ZNF407: variants seen among roughly 807,000 people sequenced by gnomAD.
The protein encoded by ZNF407 is zinc finger protein 407.
Under a neutral mutation model 131.2 loss-of-function variants are expected in ZNF407, and 17 were observed. The ratio of observed to expected loss-of-function variants is 0.13; its 90% confidence interval spans 0.09 to 0.19. The LOEUF (loss-of-function observed/expected upper bound fraction) is 0.19, where lower values mean the gene tolerates loss of function less well. Among genes scored for constraint, ZNF407 ranks in the 10% least tolerant of loss-of-function variants. ZNF407 has a pLI of 1.00. For missense variants in ZNF407, 2,681 were observed against 2,830.6 expected (o/e 0.95, Z 1.20); for synonymous variants, 1,156 against 1,062.0 (o/e 1.09, Z -1.72).
At chr18:74,923,304 C>CTT (rs201372058) in intron 8 of ZNF407, among the ~76,000 whole-genome samples, 73 of 139,756 alleles carry the variant, frequency 5.2e-4, no homozygotes, top group African/African-American at 1.8e-3. Flanking sequence ...TTCTGGTTAT[C>CTT]TTTTTTTTTT....
intron 4 of ZNF407, among the ~76,000 whole-genome samples, chr18:74,827,640 CT>C (rs1260047823): frequency 6.6e-6 from 1 of 152,162 alleles, no homozygotes; most frequent in African/African-American, 2.4e-5. Context: ...GGAATTGTCT[CT>C]TTCTCCAGCT....
rs573004193 is a variant in ZNF407 at position 74,961,876 on chromosome 18, G to A, written c.5428+41184G>A. Among the ~76,000 whole-genome samples, 204 of 151,138 alleles carry A rather than the reference G, an allele frequency of 1.3e-3. 1 individual carries two copies. The highest frequency in any genetic ancestry group is 3.5e-3 in the African/African-American group (145 of 41,134). ...TCTCTTCCCAAGTCTGTAGTGCTTC[G>A]GATCAGACCCTAACTTGCACTATGA... On this transcript the variant is annotated intron_variant, in intron 8 of 8. Coordinates refer to ENST00000299687, the MANE Select transcript of ZNF407 (RefSeq NM_017757.3).
At chr18:74,726,344 A>C (rs1386020913) in intron 3 of ZNF407, among the ~76,000 whole-genome samples, 1 of 152,214 alleles carries the variant, frequency 6.6e-6, no homozygotes, top group Non-Finnish European at 1.5e-5. Flanking sequence ...TATATTTACT[A>C]TGTAGAGAAC....
intron 8 of ZNF407, among the ~76,000 whole-genome samples, chr18:75,059,313 T>G (rs1450094818): frequency 6.6e-6 from 1 of 152,196 alleles, no homozygotes; most frequent in Non-Finnish European, 1.5e-5. Flanking sequence ...ATGCACCATT[T>G]CTTCCTGAGA....
At chr18:74,867,801 A>T (rs899634395) in intron 4 of ZNF407, among the ~76,000 whole-genome samples, 7 of 152,210 alleles carry the variant, frequency 4.6e-5, no homozygotes, top group Non-Finnish European at 7.3e-5. Context: ...TAAATTCCTT[A>T]CTAGGGCTTT....
At chr18:74,723,781 T>C (rs963790650) in intron 3 of ZNF407, among the ~76,000 whole-genome samples, 1 of 152,150 alleles carries the variant, frequency 6.6e-6, no homozygotes, top group Non-Finnish European at 1.5e-5. Flanking sequence ...GATAAAGCCA[T>C]CAAATAAAAG....
chr18:75,063,394 G>A lies in ZNF407; in HGVS notation c.5673G>A (p.Gln1891=). ...AGGAGACGGCCGCCGCCACGCTGCA[G>A]ACGCTGGCCATGGCCGGCCAGGTGG... ...SVEETAAATL[Q]TLAMAGQVAR... is the part of the protein sequence containing the mutation. Residue 1891 remains glutamine, a synonymous_variant, in exon 9 of 9, where the codon CAG becomes CAA. Transcript: ENST00000299687. This position sits in a 1 kb window ranked among gnomAD's most constrained non-coding sequence, Gnocchi z 6.6. 1.2e-6 allele frequency: 2 copies of A among 1,611,424 alleles called. No homozygotes were observed. Among genetic ancestry groups the A allele is most frequent in the Non-Finnish European group, 1.7e-6 (2 of 1,179,188 alleles).
chr18:74,663,982 C>G (rs536812574), intron 3 of ZNF407, among the ~76,000 whole-genome samples: 57 of 152,276 alleles, frequency 3.7e-4, no homozygotes, highest in African/African-American at 1.3e-3. Flanking sequence ...GTGCCACAAA[C>G]TATAACTGGA....
At chr18:74,817,641 T>C (rs1197605777) in intron 4 of ZNF407, among the ~76,000 whole-genome samples, 1 of 152,192 alleles carries the variant, frequency 6.6e-6, no homozygotes, top group Non-Finnish European at 1.5e-5. Flanking sequence ...TTTAAGATAT[T>C]TGTTTTTCAA....
chr18:74,733,121 T>C (rs1472916788), intron 3 of ZNF407, among the ~76,000 whole-genome samples: 1 of 151,862 alleles, frequency 6.6e-6, no homozygotes, highest in Non-Finnish European at 1.5e-5. Flanking sequence ...TCTCTTTGGC[T>C]TTTTTTTCAA....
At chr18:74,676,748 A>G (rs1469174982) in intron 3 of ZNF407, among the ~76,000 whole-genome samples, 1 of 152,142 alleles carries the variant, frequency 6.6e-6, no homozygotes, top group East Asian at 1.9e-4. Context: ...TTTTTTAAAA[A>G]TAATGATTCA....
chr18:74,974,994 CCAG>C (rs750176776), intron 8 of ZNF407, among the ~76,000 whole-genome samples: 4 of 152,190 alleles, frequency 2.6e-5, no homozygotes, highest in Non-Finnish European at 5.9e-5. Flanking sequence ...TATAGAACTG[CCAG>C]CAGATTCTGG....
chr18:74,940,646 A>C (rs769513096), intron 8 of ZNF407, among the ~76,000 whole-genome samples: 1 of 152,166 alleles, frequency 6.6e-6, no homozygotes, highest in Non-Finnish European at 1.5e-5. Flanking sequence ...GCCTTGATAA[A>C]ATGTTTAACT....
At chr18:74,885,349 A>G (rs1314161568) in intron 6 of ZNF407, among the ~76,000 whole-genome samples, 1 of 152,208 alleles carries the variant, frequency 6.6e-6, no homozygotes, top group Admixed American at 6.5e-5. Flanking sequence ...GCTGAGAGAA[A>G]TTGAAGAAGA....
intron 4 of ZNF407, among the ~76,000 whole-genome samples, chr18:74,832,157 T>C (rs948232316): frequency 6.6e-6 from 1 of 152,206 alleles, no homozygotes. Context: ...ATGATTTTCC[T>C]GTCTCACAGA....
intron 8 of ZNF407, among the ~76,000 whole-genome samples, chr18:75,053,229 G>A (rs1013597424): frequency 6.6e-6 from 1 of 152,172 alleles, no homozygotes; most frequent in African/African-American, 2.4e-5. Context: ...AGTGCCGGCC[G>A]CACCCAGGTC....
intron 4 of ZNF407, among the ~76,000 whole-genome samples, chr18:74,861,751 A>G (rs1970940347): frequency 1.3e-5 from 2 of 152,170 alleles, no homozygotes; most frequent in South Asian, 2.1e-4. Context: ...TGACTTTTAT[A>G]TTCGTGTTAT....
intron 4 of ZNF407, among the ~76,000 whole-genome samples, chr18:74,833,134 C>A (rs1437414080): frequency 6.6e-6 from 1 of 152,126 alleles, no homozygotes; most frequent in Non-Finnish European, 1.5e-5. Flanking sequence ...GATAGAACAC[C>A]TCTGAATAGA....
At chr18:74,889,395 C>T (rs1330703590) in intron 6 of ZNF407, among the ~76,000 whole-genome samples, 1 of 152,008 alleles carries the variant, frequency 6.6e-6, no homozygotes, top group Non-Finnish European at 1.5e-5. Context: ...TTCTTTGGGT[C>T]CTCTTTTTAC....
Sources: gnomAD v4.1 joint callset for allele counts (sites outside exome capture counted in the v4.1 genomes callset) on GRCh38, gnomAD v4.1.1 for gene constraint, Gnocchi (gnomAD v3.1) non-coding constraint, MANE v1.5 for transcripts, NCBI Gene and HGNC (gene_info 2026-07-23, HGNC 2026-07-21) for gene names.